PITPNM2: variants seen among roughly 807,000 people sequenced by gnomAD.
The protein encoded by PITPNM2 is membrane-associated phosphatidylinositol transfer protein 2.
PITPNM2 carries 35 observed loss-of-function variants against 132.2 expected under a neutral mutation model. That is an observed-to-expected ratio of 0.26 (90% CI 0.20 to 0.35). The LOEUF is 0.35. Ranked by LOEUF, PITPNM2 falls within the 10% of genes least tolerant of loss-of-function variation. The probability of loss-of-function intolerance (pLI) is 1.00; values close to 1 mark genes in which losing one functional copy is unlikely to be tolerated. For synonymous variants in PITPNM2, 738 were observed against 799.2 expected (o/e 0.92, Z 1.29); for missense variants, 1,332 against 1,912.0 (o/e 0.70, Z 5.66).
intron 1 of PITPNM2, among the ~76,000 whole-genome samples, chr12:123,128,471 G>A (rs919542036): frequency 6.8e-5 from 10 of 147,922 alleles, no homozygotes; most frequent in African/African-American, 2.5e-4. Flanking sequence ...AAAAGGTGGG[G>A]GGGCAGGCGC....
intron 3 of PITPNM2, chr12:123,021,610 G>A (rs545662379): frequency 9.7e-6 from 9 of 924,644 alleles, no homozygotes; most frequent in South Asian, 5.0e-5. Context: ...CCCCACTGCG[G>A]TGTCAGGTGA....
At chr12:123,119,192 A>G (rs1396184631) in intron 1 of PITPNM2, among the ~76,000 whole-genome samples, 2 of 152,170 alleles carry the variant, frequency 1.3e-5, no homozygotes, top group East Asian at 3.9e-4. Flanking sequence ...GATTTCTCCA[A>G]TGATCTCCTG....
intron 1 of PITPNM2, among the ~76,000 whole-genome samples, chr12:123,126,448 G>T (rs2043143307): frequency 1.3e-5 from 2 of 152,202 alleles, no homozygotes; most frequent in African/African-American, 4.8e-5. Flanking sequence ...CAGGCGAAAA[G>T]CTGTCACAAA....
chr12:123,093,232 G>A (rs2042315524), intron 2 of PITPNM2, among the ~76,000 whole-genome samples: 1 of 152,138 alleles, frequency 6.6e-6, no homozygotes, highest in Admixed American at 6.5e-5. Flanking sequence ...GACAAATGAG[G>A]GATAACATCC....
intron 2 of PITPNM2, among the ~76,000 whole-genome samples, chr12:123,103,258 T>C (rs2042609538): frequency 6.6e-6 from 1 of 152,190 alleles, no homozygotes. Context: ...CCTATGACCC[T>C]GATGATACAG....
intron 1 of PITPNM2, among the ~76,000 whole-genome samples, chr12:123,149,589 T>G (rs1269111220): frequency 6.6e-6 from 1 of 152,112 alleles, no homozygotes; most frequent in Non-Finnish European, 1.5e-5. Context: ...CAGAGATGAA[T>G]CAACTCCAGC....
chr12:123,126,058 A>C (rs2043135367), intron 1 of PITPNM2, among the ~76,000 whole-genome samples: 1 of 150,938 alleles, frequency 6.6e-6, no homozygotes, highest in South Asian at 2.1e-4. Context: ...TTTAGTAGAG[A>C]CAGGGTTTCA....
chr12:123,087,200 C>T (rs2042135514), intron 2 of PITPNM2: 1 of 152,216 alleles, frequency 6.6e-6, no homozygotes, highest in Non-Finnish European at 1.5e-5. Context: ...GCTTCCAACT[C>T]CCTCTCAAAG....
chr12:123,057,539 A>T (rs2041076212), intron 2 of PITPNM2, among the ~76,000 whole-genome samples: 1 of 152,140 alleles, frequency 6.6e-6, no homozygotes, highest in Non-Finnish European at 1.5e-5. Context: ...CGTAGACAAG[A>T]CCGCATCTGA....
chr12:123,122,986 A>C (rs1677555459), intron 1 of PITPNM2, among the ~76,000 whole-genome samples: 1 of 152,252 alleles, frequency 6.6e-6, no homozygotes, highest in African/African-American at 2.4e-5. Context: ...GCTAACAAAA[A>C]TAAAAGAAAA....
chr12:122,989,036 G>A lies in PITPNM2; in HGVS notation c.2732-164C>T, dbSNP rs553660500. Among the ~76,000 whole-genome samples, 6 of 152,312 alleles carry A rather than the reference G, an allele frequency of 3.9e-5. No homozygotes were observed. In the East Asian group the frequency reaches 1.2e-3, roughly 29 times the overall value. ...CTGGGTGAGTGAGGCAAGCGGGAGGGAGCGCAGGCAAAAGCACGCAGACCC... is the reference window on the plus strand; with the variant it reads ...CTGGGTGAGTGAGGCAAGCGGGAGGAAGCGCAGGCAAAAGCACGCAGACCC... On this transcript the variant is annotated intron_variant, in intron 18 of 25. Transcript: ENST00000320201.
intron 1 of PITPNM2, among the ~76,000 whole-genome samples, chr12:123,133,638 A>G (rs1444361571): frequency 6.6e-6 from 1 of 152,196 alleles, no homozygotes; most frequent in African/African-American, 2.4e-5. Flanking sequence ...TAATGTTTGG[A>G]AAGGACTAGA....
At chr12:123,100,626 CAA>C (rs1249651394) in intron 2 of PITPNM2, among the ~76,000 whole-genome samples, 22 of 123,562 alleles carry the variant, frequency 1.8e-4, no homozygotes, top group African/African-American at 1.5e-4. Context: ...ACTCCGTCTC[CAA>C]AAAAAAAAAA....
rs1251970066 is a variant in PITPNM2, at chr12:123,005,566, C to G, written c.644-18G>C. Reference sequence around the variant, plus strand: ...CCGTAGTCCTGTGCCCCATGGGGATCAGAGAGGGAGAGACGAGGGGAGGGA... The same window carrying G: ...CCGTAGTCCTGTGCCCCATGGGGATGAGAGAGGGAGAGACGAGGGGAGGGA... On this transcript the variant is annotated intron_variant, in intron 6 of 25. Coordinates refer to ENST00000320201, the MANE Select transcript of PITPNM2 (RefSeq NM_020845.3). The surrounding 1 kb of genome is among the most constrained non-coding windows in gnomAD (Gnocchi z 6.2). The G allele has an allele frequency of 6.2e-7, 1 of 1,606,182 alleles. No individual in the cohort carries two copies. The highest frequency in any genetic ancestry group is 2.2e-5 in the East Asian group (1 of 44,660).
intron 2 of PITPNM2, among the ~76,000 whole-genome samples, chr12:123,050,209 G>T (rs887887481): frequency 6.6e-6 from 1 of 152,204 alleles, no homozygotes; most frequent in African/African-American, 2.4e-5. Flanking sequence ...GGGCAGGTTT[G>T]GGAGAGACAA....
intron 5 of PITPNM2, among the ~76,000 whole-genome samples, chr12:123,012,293 T>C (rs903579079): frequency 1.3e-5 from 2 of 152,232 alleles, no homozygotes; most frequent in African/African-American, 2.4e-5. Context: ...CCGGGGGCAC[T>C]TGTGCATGGC....
chr12:123,016,613 A>G (rs1184200110), intron 3 of PITPNM2, among the ~76,000 whole-genome samples: 2 of 148,538 alleles, frequency 1.3e-5, no homozygotes, highest in Non-Finnish European at 3.0e-5. Flanking sequence ...AAAAAACACA[A>G]TGAGATAGCA....
rs1373329174 is a variant in PITPNM2, at chr12:123,077,765, G to A, written c.-96+32620C>T. Among the ~76,000 whole-genome samples, 1 of 152,190 alleles carries A rather than the reference G, an allele frequency of 6.6e-6. No homozygotes were observed. The highest frequency in any genetic ancestry group is 1.9e-4 in the East Asian group (1 of 5,192). The stretch of plus-strand genomic sequence containing the variant: ...GCTAATAAACCCATCCTGAGGCTGT[G>A]ACATGTTTCAGAAGGAGCAGAAAAT... On this transcript the variant is annotated intron_variant, in intron 2 of 25. Coordinates refer to ENST00000320201, the MANE Select transcript of PITPNM2 (RefSeq NM_020845.3). This position sits in a 1 kb window ranked among gnomAD's most constrained non-coding sequence, Gnocchi z 4.8.
rs990996703 is a variant in PITPNM2, at chr12:123,064,217, C to T, written c.-95-29532G>A. ...GCAACGCTGCCAGCAGGCAGACAGA[C>T]GCACTCTCCCCACTCCAAATTGGAA... On this transcript the variant is annotated intron_variant, in intron 2 of 25. Coordinates refer to ENST00000320201, the MANE Select transcript of PITPNM2 (RefSeq NM_020845.3). This position sits in a 1 kb window ranked among gnomAD's most constrained non-coding sequence, Gnocchi z 4.0. Among the ~76,000 whole-genome samples, 18 of 152,334 alleles carry T rather than the reference C, an allele frequency of 1.2e-4. No homozygotes were observed. Among genetic ancestry groups the T allele is most frequent in the Admixed American group, 9.2e-4 (14 of 15,298 alleles).
Sources: allele counts gnomAD v4.1 joint callset (sites outside exome capture counted in the v4.1 genomes callset), GRCh38; gene constraint gnomAD v4.1.1; non-coding constraint Gnocchi (gnomAD v3.1); transcripts MANE v1.5; gene names NCBI Gene and HGNC (gene_info 2026-07-23, HGNC 2026-07-21).